The following SPATA6L variants were observed in gnomAD, a reference collection of about 807,000 sequenced individuals.
SPATA6L encodes spermatogenesis associated 6-like protein.
In SPATA6L, 68 loss-of-function variants were observed where a neutral mutation model predicts 49.2. The ratio of observed to expected loss-of-function variants is 1.38; its 90% CI spans 1.14 to 1.69. The LOEUF is 1.69. Ranked by LOEUF, SPATA6L falls within the 40% of genes most tolerant of loss-of-function variation. The probability of loss-of-function intolerance (pLI) is 0.00; values close to 1 mark genes in which losing one functional copy is unlikely to be tolerated. For synonymous variants in SPATA6L, 198 were observed against 165.7 expected (o/e 1.19, Z -1.50); for missense variants, 668 against 464.3 (o/e 1.44, Z -4.03).
At chr9:4,638,061 C>T (rs2130595570) in intron 3 of SPATA6L, among the ~76,000 whole-genome samples, 1 of 152,276 alleles carries the variant, frequency 6.6e-6, no homozygotes, top group East Asian at 1.9e-4. Context: ...TAAATATAAT[C>T]AATGCCCTCC....
intron 4 of SPATA6L, among the ~76,000 whole-genome samples, chr9:4,631,291 C>T (rs10974674): frequency 0.25 from 37,442 of 151,914 alleles, 7,366 homozygotes; most frequent in African/African-American, 0.52. Flanking sequence ...ATAAATAACA[C>T]AATACATAAA....
intron 3 of SPATA6L, among the ~76,000 whole-genome samples, chr9:4,652,336 T>G (rs992944500): frequency 3.3e-5 from 5 of 149,802 alleles, no homozygotes; most frequent in African/African-American, 9.8e-5. Context: ...GCAGGAGAAT[T>G]GCTTGAATGA....
intron 3 of SPATA6L, among the ~76,000 whole-genome samples, chr9:4,650,441 AC>A (rs1272106224): frequency 3.3e-5 from 5 of 152,304 alleles, no homozygotes; most frequent in African/African-American, 1.2e-4. Context: ...CCTAAAGCAA[AC>A]AGAGGAAAGA....
chr9:4,611,721 C>T lies in SPATA6L; in HGVS notation c.995+6202G>A, dbSNP rs186356992. ...CTAGATGACGAGTTAGTGGGTGCAG[C>T]GCACCAGCGTGGCACATGTATACAT... On this transcript the variant is annotated intron_variant, in intron 9 of 11. Transcript: ENST00000682582. Among the ~76,000 whole-genome samples the T allele has an allele frequency of 2.1e-3, 317 of 151,230 alleles. 1 individual carries two copies. The highest frequency in any genetic ancestry group is 7.2e-3 in the African/African-American group (296 of 41,126).
At chr9:4,631,011 T>G (rs772378961) in intron 4 of SPATA6L, among the ~76,000 whole-genome samples, 32 of 152,304 alleles carry the variant, frequency 2.1e-4, no homozygotes, top group Middle Eastern at 3.4e-3. Context: ...ATTTTCAAAT[T>G]CCTGATCGAC....
At chr9:4,661,752 G>GACTGCGGTTTTGCTTCAAGGCCT in intron 2 of SPATA6L, 147 bp downstream of exon 2, 4 of 936,762 alleles carry the variant, frequency 4.3e-6, no homozygotes, top group East Asian at 2.8e-5. Context: ...CAAGTGTTCC[G>GACTGCGGTTTTGCTTCAAGGCCT]ACTGCGGTTT....
intron 3 of SPATA6L, among the ~76,000 whole-genome samples, chr9:4,652,397 C>T (rs986082810): frequency 2.0e-5 from 3 of 151,690 alleles, no homozygotes; most frequent in Non-Finnish European, 4.4e-5. Flanking sequence ...CAAACAAAAA[C>T]AAAAACAAAA....
chr9:4,646,401 C>G, intron 3 of SPATA6L: 2 of 850,294 alleles, frequency 2.4e-6, no homozygotes, highest in South Asian at 2.1e-5. Flanking sequence ...AAACACAACT[C>G]TTAAGTACAG....
At chr9:4,593,760 T>A (rs1007420330), downstream of SPATA6L, among the ~76,000 whole-genome samples, 1 of 152,192 alleles carries the variant, frequency 6.6e-6, no homozygotes, top group Non-Finnish European at 1.5e-5. Flanking sequence ...TATTTTTCCT[T>A]GGCTTCCAAG....
Position 4,623,925 on chromosome 9 carries a change from C to T in SPATA6L, c.669+1402G>A, listed in dbSNP as rs571715439. ...TAGATTTTTGCCAGATGTCATTATC[C>T]AGGCCACCAAGCAACAGCTGTTGTG... On this transcript the variant is annotated intron_variant, in intron 6 of 11. Transcript: ENST00000682582. Among the ~76,000 whole-genome samples, 18 of 152,238 alleles carry T rather than the reference C, an allele frequency of 1.2e-4. No individual in the cohort carries two copies. The East Asian group carries it at 3.5e-3, about 29-fold the overall frequency.
rs577754672 is a variant in SPATA6L, at chr9:4,632,807, T to A, written c.351+2468A>T. On this transcript the variant is annotated intron_variant, in intron 4 of 11. Coordinates refer to ENST00000682582, the MANE Select transcript of SPATA6L (RefSeq NM_001353486.2). Reference sequence around the variant, plus strand: ...CCATTAACATGTCTTTCTGAAATTGTCTATTAAAGCAGAGGAAATACCTGC... The same window carrying A: ...CCATTAACATGTCTTTCTGAAATTGACTATTAAAGCAGAGGAAATACCTGC... Among the ~76,000 whole-genome samples, 16 of 152,292 alleles carry A rather than the reference T, an allele frequency of 1.1e-4. No individual in the cohort carries two copies. The East Asian group carries it at 2.9e-3, about 27-fold the overall frequency.
intron 2 of SPATA6L, among the ~76,000 whole-genome samples, chr9:4,661,079 T>C (rs937504115): frequency 7.9e-5 from 12 of 152,170 alleles, no homozygotes; most frequent in African/African-American, 1.7e-4. Flanking sequence ...ACATGGCACA[T>C]GTATACATAT....
intron 3 of SPATA6L, among the ~76,000 whole-genome samples, chr9:4,649,018 A>G (rs1033734318): frequency 6.6e-6 from 1 of 151,246 alleles, no homozygotes; most frequent in Non-Finnish European, 1.5e-5. Flanking sequence ...ATTCCTTTTA[A>G]TGGTTGAGTA....
intron 4 of SPATA6L, among the ~76,000 whole-genome samples, chr9:4,632,173 C>T (rs780305521): frequency 4.0e-5 from 6 of 151,536 alleles, no homozygotes; most frequent in Non-Finnish European, 8.8e-5. Flanking sequence ...GTGTGCACCA[C>T]CATGCTCAAC....
chr9:4,601,702 T>C (rs1360770651), intron 11 of SPATA6L, among the ~76,000 whole-genome samples: 1 of 152,124 alleles, frequency 6.6e-6, no homozygotes, highest in Non-Finnish European at 1.5e-5. Flanking sequence ...GAATTGGTGC[T>C]GCCATTAGAA....
chr9:4,598,848 A>G lies in SPATA6L; in HGVS notation c.*1963T>C, dbSNP rs1011687641. Among the ~76,000 whole-genome samples the G allele has an allele frequency of 1.3e-5, 2 of 152,254 alleles. No individual in the cohort carries two copies. Among genetic ancestry groups the G allele is most frequent in the Non-Finnish European group, 2.9e-5 (2 of 68,050 alleles). On this transcript the variant is annotated 3_prime_UTR_variant, in exon 12 of 12. Coordinates refer to ENST00000682582, the MANE Select transcript of SPATA6L (RefSeq NM_001353486.2). ...GACAACCATAGTTTCAGAGAGACTG[A>G]GAACATATTAGCATATGTAATTTAA... is the stretch of plus-strand genomic sequence containing the variant.
chr9:4,656,268 C>G (rs201199824), intron 2 of SPATA6L, among the ~76,000 whole-genome samples, 179 bp from the exon 3 acceptor site: 2 of 152,002 alleles, frequency 1.3e-5, no homozygotes, highest in African/African-American at 4.8e-5. Context: ...GTGAAACCCT[C>G]TCTCTACAAA....
At position 4,599,783 on chromosome 9, in the gene SPATA6L, A is replaced by G. The variant is rs892252980; in HGVS notation, c.*1028T>C. ...ACCTCATCACCTCCCAAAAGGCCCC[A>G]TTTCCTTAGAGGTTAGGATTTCAAC... On this transcript the variant is annotated 3_prime_UTR_variant, in exon 12 of 12. Coordinates refer to ENST00000682582, the MANE Select transcript of SPATA6L (RefSeq NM_001353486.2). Among the ~76,000 whole-genome samples, 5 of 152,176 alleles carry G rather than the reference A, an allele frequency of 3.3e-5. No homozygotes were observed. Among genetic ancestry groups the G allele is most frequent in the African/African-American group, 1.2e-4 (5 of 41,448 alleles).
intron 3 of SPATA6L, among the ~76,000 whole-genome samples, chr9:4,644,657 A>T (rs1290579427): frequency 2.2e-5 from 3 of 138,072 alleles, no homozygotes; most frequent in East Asian, 2.2e-4. Context: ...AGTTTTCAGT[A>T]TTCTCTCTCT....
Sources: allele counts gnomAD v4.1 joint callset (sites outside exome capture counted in the v4.1 genomes callset), GRCh38; gene constraint gnomAD v4.1.1; transcripts MANE v1.5; gene names NCBI Gene and HGNC (gene_info 2026-07-23, HGNC 2026-07-21).